CCSER1: variants seen among roughly 807,000 people sequenced by gnomAD.
CCSER1 encodes the protein serine-rich coiled-coil domain-containing protein 1.
Under a neutral mutation model 82.0 loss-of-function variants are expected in CCSER1, and 41 were observed. The ratio of observed to expected loss-of-function variants is 0.50; its 90% CI spans 0.39 to 0.65. The LOEUF (loss-of-function observed/expected upper bound fraction) is 0.65, where lower values mean the gene tolerates loss of function less well. Among genes scored for constraint, CCSER1 ranks in the 30% least tolerant of loss-of-function variants. The pLI, the probability that CCSER1 is intolerant of heterozygous loss-of-function variation, is 0.00. For synonymous variants in CCSER1, 414 were observed against 383.9 expected (o/e 1.08, Z -0.92); for missense variants, 1,119 against 1,064.2 (o/e 1.05, Z -0.72).
chr4:90,877,185 T>C (rs1767322708), intron 8 of CCSER1, among the ~76,000 whole-genome samples: 1 of 152,130 alleles, frequency 6.6e-6, no homozygotes, highest in Non-Finnish European at 1.5e-5. Context: ...CTTGATCTGC[T>C]TAAAGTTACT....
intron 8 of CCSER1, among the ~76,000 whole-genome samples, chr4:90,828,300 G>T (rs1317183898): frequency 6.6e-6 from 1 of 151,424 alleles, no homozygotes. Context: ...GACTTAAAAT[G>T]TATCTTTATA....
At chr4:90,206,866 G>A (rs1738946718) in intron 1 of CCSER1, among the ~76,000 whole-genome samples, 1 of 151,834 alleles carries the variant, frequency 6.6e-6, no homozygotes, top group African/African-American at 2.4e-5. Flanking sequence ...GGGTGCTCCT[G>A]TTTTGGGTGC....
At chr4:91,048,245 A>T (rs1032709365) in intron 9 of CCSER1, among the ~76,000 whole-genome samples, 1 of 151,688 alleles carries the variant, frequency 6.6e-6, no homozygotes, top group Non-Finnish European at 1.5e-5. Context: ...TAGACATCAT[A>T]TAAGATTTAT....
chr4:91,262,592 G>A (rs902361891), intron 10 of CCSER1, among the ~76,000 whole-genome samples: 1 of 151,924 alleles, frequency 6.6e-6, no homozygotes, highest in African/African-American at 2.4e-5. Context: ...CTCAATATAG[G>A]TTTAGATTCA....
At chr4:91,147,916 A>T (rs1367185578) in intron 10 of CCSER1, among the ~76,000 whole-genome samples, 2 of 152,168 alleles carry the variant, frequency 1.3e-5, no homozygotes, top group Non-Finnish European at 2.9e-5. Context: ...CTCACATACA[A>T]CTTCTTCATT....
At chr4:90,136,775 C>T (rs1380950169) in intron 1 of CCSER1, among the ~76,000 whole-genome samples, 2 of 152,148 alleles carry the variant, frequency 1.3e-5, no homozygotes, top group Non-Finnish European at 2.9e-5. Context: ...ATTGTGAGTG[C>T]TTCTTGATAA....
rs573054214 is a variant in CCSER1, at chr4:91,435,842, C to T, written c.2218-162730C>T. Among the ~76,000 whole-genome samples the T allele has an allele frequency of 2.0e-5, 3 of 152,230 alleles. No homozygotes were observed. The South Asian group carries it at 6.2e-4, about 32-fold the overall frequency. On this transcript the variant is annotated intron_variant, in intron 10 of 10. Transcript: ENST00000509176. ...AGTTTTGAGCCCAGCCTATAATTTG[C>T]TTTTTGTCTTACTTTCATTTGAATC...
At chr4:90,207,644 G>C (rs1214169247) in intron 1 of CCSER1, among the ~76,000 whole-genome samples, 1 of 152,064 alleles carries the variant, frequency 6.6e-6, no homozygotes, top group Non-Finnish European at 1.5e-5. Context: ...ATCTACCTTT[G>C]GTCTTTGATG....
At chr4:90,685,133 A>T (rs1734579681) in intron 6 of CCSER1, among the ~76,000 whole-genome samples, 1 of 152,150 alleles carries the variant, frequency 6.6e-6, no homozygotes, top group Non-Finnish European at 1.5e-5. Context: ...GTCCTGAGTT[A>T]GAATGAGCTT....
intron 7 of CCSER1, among the ~76,000 whole-genome samples, chr4:90,766,534 C>T (rs1302445971): frequency 6.6e-6 from 1 of 152,106 alleles, no homozygotes; most frequent in East Asian, 1.9e-4. Flanking sequence ...GTCTCAACTA[C>T]TCAGGAGGCT....
chr4:91,099,139 G>A (rs890260245), intron 10 of CCSER1, among the ~76,000 whole-genome samples: 4 of 152,022 alleles, frequency 2.6e-5, no homozygotes, highest in African/African-American at 9.7e-5. Flanking sequence ...TTTCTTTATG[G>A]TCTAATATGC....
At chr4:90,935,658 A>C (rs1234410374) in intron 9 of CCSER1, among the ~76,000 whole-genome samples, 3 of 152,170 alleles carry the variant, frequency 2.0e-5, no homozygotes, top group African/African-American at 7.2e-5. Context: ...ATGGCATTAT[A>C]GTAAGATGTA....
chr4:90,270,073 T>C (rs1367930658), intron 1 of CCSER1, among the ~76,000 whole-genome samples: 3 of 152,048 alleles, frequency 2.0e-5, no homozygotes, highest in Non-Finnish European at 4.4e-5. Flanking sequence ...ATGGATTCAC[T>C]GCTGAATTTT....
At chr4:90,423,295 G>A (rs1306520286) in intron 4 of CCSER1, among the ~76,000 whole-genome samples, 3 of 151,910 alleles carry the variant, frequency 2.0e-5, no homozygotes, top group African/African-American at 4.8e-5. Flanking sequence ...GCGTCATCTC[G>A]GCTCACTGCA....
intron 10 of CCSER1, among the ~76,000 whole-genome samples, chr4:91,360,858 A>T (rs895666821): frequency 3.3e-5 from 5 of 151,920 alleles, no homozygotes; most frequent in African/African-American, 7.2e-5. Flanking sequence ...TCTTACCTGT[A>T]GTTAAGAATG....
At chr4:90,382,402 A>G (rs138354677) in intron 3 of CCSER1, among the ~76,000 whole-genome samples, 2 of 152,216 alleles carry the variant, frequency 1.3e-5, no homozygotes, top group Admixed American at 1.3e-4. Context: ...ATAGAACTCT[A>G]TACCTTAACC....
chr4:91,169,763 T>TA (rs547244651), intron 10 of CCSER1, among the ~76,000 whole-genome samples: 331 of 147,966 alleles, frequency 2.2e-3, no homozygotes, highest in Middle Eastern at 6.9e-3. Context: ...TTCTGGTAAT[T>TA]AAAAAAAAAA....
chr4:91,291,927 C>G (rs930494283), intron 10 of CCSER1, among the ~76,000 whole-genome samples: 6 of 152,022 alleles, frequency 3.9e-5, no homozygotes, highest in African/African-American at 1.4e-4. Context: ...ACCCAACATC[C>G]AAGACTTTGT....
intron 10 of CCSER1, among the ~76,000 whole-genome samples, chr4:91,178,750 C>A (rs1447773573): frequency 6.6e-6 from 1 of 152,058 alleles, no homozygotes; most frequent in East Asian, 1.9e-4. Flanking sequence ...TGGGTCTTGA[C>A]TCTTTATCTA....
Sources: gnomAD v4.1 joint callset for allele counts (sites outside exome capture counted in the v4.1 genomes callset) on GRCh38, gnomAD v4.1.1 for gene constraint, MANE v1.5 for transcripts, NCBI Gene and HGNC (gene_info 2026-07-23, HGNC 2026-07-21) for gene names.